The following COL19A1 variants were observed in gnomAD, a reference collection of about 807,000 sequenced individuals.
The protein encoded by COL19A1 is collagen alpha-1(XIX) chain.
Under a neutral mutation model 190.2 loss-of-function variants are expected in COL19A1, and 159 were observed. The ratio of observed to expected loss-of-function variants is 0.84; its 90% CI spans 0.73 to 0.95. The LOEUF (loss-of-function observed/expected upper bound fraction) is 0.95, where lower values mean the gene tolerates loss of function less well. Ranked by LOEUF, COL19A1 falls within the 40% of genes least tolerant of loss-of-function variation. The pLI is 0.00. For missense variants in COL19A1, 1,418 were observed against 1,431.9 expected, an observed-to-expected ratio of 0.99 and a Z score of 0.16; for synonymous variants, 509 against 458.9, an observed-to-expected ratio of 1.11 and a Z score of -1.39.
chr6:70,139,342 CTCTGGCTTTCTT>C, intron 19 of COL19A1, among the ~76,000 whole-genome samples: 2 of 152,096 alleles, frequency 1.3e-5, no homozygotes, highest in Admixed American at 1.3e-4. Context: ...CAGGGATTTC[CTCTGGCTTTCTT>C]TCTGGCTAAC....
intron 17 of COL19A1, among the ~76,000 whole-genome samples, chr6:70,128,517 G>A (rs1785333735): frequency 6.6e-6 from 1 of 152,170 alleles, no homozygotes; most frequent in African/African-American, 2.4e-5. Flanking sequence ...AGAGTAAGCA[G>A]CAAAGATATT....
At chr6:70,113,732 C>G (rs1011101671) in intron 16 of COL19A1, among the ~76,000 whole-genome samples, 2 of 151,902 alleles carry the variant, frequency 1.3e-5, no homozygotes, top group South Asian at 4.2e-4. Context: ...AGTAGAAGCC[C>G]TCCATGATTT....
At chr6:70,109,808 A>G (rs951072263) in intron 16 of COL19A1, among the ~76,000 whole-genome samples, 3 of 152,184 alleles carry the variant, frequency 2.0e-5, no homozygotes, top group African/African-American at 4.8e-5. Context: ...GTCATTAGAG[A>G]TGGAGAATTT....
At chr6:70,055,113 T>G (rs1241553733) in intron 14 of COL19A1, among the ~76,000 whole-genome samples, 3 of 152,152 alleles carry the variant, frequency 2.0e-5, no homozygotes, top group African/African-American at 7.2e-5. Flanking sequence ...CTTTTAAACA[T>G]ATGAAATAGA....
intron 11 of COL19A1, among the ~76,000 whole-genome samples, chr6:70,019,775 A>G (rs1205179769): frequency 6.6e-6 from 1 of 152,256 alleles, no homozygotes; most frequent in Middle Eastern, 3.4e-3. Flanking sequence ...ACAAGAAACA[A>G]TCTAAATGCA....
intron 16 of COL19A1, among the ~76,000 whole-genome samples, chr6:70,114,229 G>A (rs1408464530): frequency 6.6e-6 from 1 of 152,066 alleles, no homozygotes; most frequent in African/African-American, 2.4e-5. Flanking sequence ...CATTAATCCT[G>A]TGATCTTTCA....
intron 12 of COL19A1, 62 bp downstream of exon 12, chr6:70,023,742 AT>A (rs1462303800): frequency 1.4e-6 from 2 of 1,473,398 alleles, no homozygotes; most frequent in African/African-American, 1.4e-5. Flanking sequence ...ATGCTATTTA[AT>A]GCTATTAAGA....
chr6:70,171,129 T>C (rs931666415), intron 40 of COL19A1, among the ~76,000 whole-genome samples: 3 of 152,312 alleles, frequency 2.0e-5, no homozygotes, highest in Non-Finnish European at 4.4e-5. Context: ...TTGTAAACTT[T>C]CTTAAAACAT....
At chr6:70,005,993 C>T (rs1777595747) in intron 11 of COL19A1, among the ~76,000 whole-genome samples, 1 of 152,120 alleles carries the variant, frequency 6.6e-6, no homozygotes, top group African/African-American at 2.4e-5. Context: ...TGGGACCAAG[C>T]CATTCAGTCT....
chr6:70,096,263 ATTTT>A (rs35582806), intron 15 of COL19A1, among the ~76,000 whole-genome samples: 1 of 145,470 alleles, frequency 6.9e-6, no homozygotes, highest in South Asian at 2.2e-4. Context: ...TAATTTTTGT[ATTTT>A]TTTTTTTTTA....
Position 70,081,100 on chromosome 6 carries a change from G to A in COL19A1, c.1224+12624G>A, listed in dbSNP as rs540484324. On this transcript the variant is annotated intron_variant, in intron 15 of 50. Transcript: ENST00000620364. The stretch of plus-strand genomic sequence containing the variant: ...ATTTTGTCAAAATTGCATGACCTGA[G>A]TGCGTCTAATATACTTTTATTAGAT... Among the ~76,000 whole-genome samples the A allele has an allele frequency of 8.5e-5, 13 of 152,194 alleles. No homozygotes were observed. In the South Asian group the frequency reaches 2.1e-3, roughly 24 times the overall value.
chr6:70,176,432 C>A, intron 41 of COL19A1, 88 bp from the exon 42 acceptor site: 2 of 1,401,312 alleles, frequency 1.4e-6, no homozygotes, highest in Non-Finnish European at 2.0e-6. Context: ...AAAGCTTTAC[C>A]AAATCCAAAT....
In COL19A1 at chr6:70,137,637, T is replaced by C. The variant is rs547713890; in HGVS notation, c.1384-48T>C. The C allele has an allele frequency of 2.6e-5, 41 of 1,553,586 alleles. No homozygotes were observed. In the South Asian group the frequency reaches 4.2e-4, roughly 16 times the overall value. On this transcript the variant is annotated intron_variant, in intron 18 of 50. Transcript: ENST00000620364. ...ATTCTGTATCTGACAGTCACAATAA[T>C]GCTTCTCTAACCATCTGCAAAATCT...
At chr6:69,953,659 A>C (rs1774251842) in intron 9 of COL19A1, among the ~76,000 whole-genome samples, 1 of 152,010 alleles carries the variant, frequency 6.6e-6, no homozygotes, top group Non-Finnish European at 1.5e-5. Context: ...CCCCAAGTAG[A>C]GCAGTTGGCA....
chr6:70,122,826 C>A (rs937319697), intron 17 of COL19A1, among the ~76,000 whole-genome samples: 2 of 152,056 alleles, frequency 1.3e-5, no homozygotes, highest in African/African-American at 2.4e-5. Flanking sequence ...ATTATAAAAT[C>A]CCAGTTTCTC....
At chr6:70,151,654 T>C (rs2150247039) in intron 31 of COL19A1, among the ~76,000 whole-genome samples, 1 of 152,194 alleles carries the variant, frequency 6.6e-6, no homozygotes, top group Middle Eastern at 3.4e-3. Flanking sequence ...CAGCCTCTCA[T>C]TTTGGGTGGG....
At position 70,144,956 on chromosome 6, in the gene COL19A1, A is replaced by T; in HGVS notation, c.1719A>T (p.Pro573=). Residue 573 remains proline (P), a synonymous_variant, in exon 25 of 51, where the codon CCA becomes CCT. Transcript: ENST00000620364. ...PGGIIGPPGL[P]GPKGEAGPPG... ...GGATCATAGGCCCTCCCGGGCTTCC[A>T]GGTCCAAAAGGTGAGGCTGGTCCTC... 1 of 1,593,210 alleles carries T rather than the reference A, an allele frequency of 6.3e-7. No individual in the cohort carries two copies. The highest frequency in any genetic ancestry group is 8.6e-7 in the Non-Finnish European group (1 of 1,168,226).
At chr6:70,114,346 A>T (rs1276878408) in intron 16 of COL19A1, among the ~76,000 whole-genome samples, 26 of 152,296 alleles carry the variant, frequency 1.7e-4, no homozygotes, top group African/African-American at 6.0e-4. Flanking sequence ...AAAGAGTTAA[A>T]AGATCAAGGC....
At chr6:70,174,455 G>A (rs1311021069) in intron 41 of COL19A1, among the ~76,000 whole-genome samples, 2 of 152,050 alleles carry the variant, frequency 1.3e-5, no homozygotes, top group African/African-American at 4.8e-5. Flanking sequence ...AGCTACTCAG[G>A]AGGCTGAGGC....
Sources: allele counts gnomAD v4.1 joint callset (sites outside exome capture counted in the v4.1 genomes callset), GRCh38; gene constraint gnomAD v4.1.1; transcripts MANE v1.5; gene names NCBI Gene and HGNC (gene_info 2026-07-23, HGNC 2026-07-21).